The following CSMD3 variants were observed in gnomAD, a reference collection of about 807,000 sequenced individuals.
The protein encoded by CSMD3 is CUB and sushi domain-containing protein 3.
A neutral mutation model predicts 435.2 loss-of-function variants in CSMD3; 177 were observed. The ratio of observed to expected loss-of-function variants is 0.41; its 90% CI spans 0.36 to 0.46. The LOEUF is 0.46. Ranked by LOEUF, CSMD3 falls within the 20% of genes least tolerant of loss-of-function variation. The probability of loss-of-function intolerance (pLI) is 0.34; values close to 1 mark genes in which losing one functional copy is unlikely to be tolerated. For missense variants in CSMD3, 4,265 were observed against 4,504.6 expected, an observed-to-expected ratio of 0.95 and a Z score of 1.52; for synonymous variants, 1,656 against 1,520.5, an observed-to-expected ratio of 1.09 and a Z score of -2.07.
At chr8:112,640,754 G>A (rs912493895) in intron 20 of CSMD3, among the ~76,000 whole-genome samples, 25 of 152,032 alleles carry the variant, frequency 1.6e-4, no homozygotes, top group African/African-American at 4.8e-4. Flanking sequence ...AAGAGAAGAT[G>A]CTTTGCTGTC....
chr8:112,597,736 C>A (rs1167696404), intron 22 of CSMD3, among the ~76,000 whole-genome samples: 1 of 135,170 alleles, frequency 7.4e-6, no homozygotes, highest in Non-Finnish European at 1.6e-5. Flanking sequence ...TAAGTGTAAT[C>A]CAGCATATAA....
At chr8:112,654,038 A>G (rs1028217963) in intron 18 of CSMD3, among the ~76,000 whole-genome samples, 1 of 151,868 alleles carries the variant, frequency 6.6e-6, no homozygotes, top group Non-Finnish European at 1.5e-5. Flanking sequence ...GAATGGGGTA[A>G]AAAATATAAC....
At chr8:112,937,880 T>C (rs2083333925) in intron 9 of CSMD3, among the ~76,000 whole-genome samples, 1 of 152,014 alleles carries the variant, frequency 6.6e-6, no homozygotes, top group Admixed American at 6.6e-5. Flanking sequence ...AGATTGATGA[T>C]TAAAAAAAGA....
intron 3 of CSMD3, among the ~76,000 whole-genome samples, chr8:113,179,219 T>C (rs909707082): frequency 1.3e-5 from 2 of 148,348 alleles, no homozygotes; most frequent in Admixed American, 1.3e-4. Flanking sequence ...TAAAACAGTA[T>C]ATGTTAGTCA....
At chr8:113,112,424 T>TGTATATACATATATATACATATATATAC (rs1564328837) in intron 4 of CSMD3, among the ~76,000 whole-genome samples, 9 of 20,380 alleles carry the variant, frequency 4.4e-4, no homozygotes, top group Non-Finnish European at 7.6e-4. Context: ...TATATATATA[T>TGTATATACATATATATACATATATATAC]ATATATATAT....
intron 4 of CSMD3, among the ~76,000 whole-genome samples, chr8:113,160,482 A>G (rs2092018260): frequency 6.6e-6 from 1 of 151,954 alleles, no homozygotes; most frequent in Admixed American, 6.6e-5. Context: ...TAAATGTTTA[A>G]TTTTATATTT....
intron 35 of CSMD3, among the ~76,000 whole-genome samples, chr8:112,401,943 A>G (rs1831380795): frequency 1.3e-5 from 2 of 152,176 alleles, no homozygotes; most frequent in South Asian, 2.1e-4. Flanking sequence ...ATTAAAATCA[A>G]TAGTATCAAA....
intron 46 of CSMD3, 62 bp downstream of exon 46, chr8:112,319,839 A>C: frequency 8.2e-7 from 1 of 1,222,582 alleles, no homozygotes; most frequent in Admixed American, 1.7e-5. Flanking sequence ...ATTTTGGCTT[A>C]TTTTTAAGCA....
intron 5 of CSMD3, among the ~76,000 whole-genome samples, chr8:113,057,234 A>AT (rs1187331705): frequency 6.6e-6 from 1 of 152,058 alleles, no homozygotes; most frequent in Non-Finnish European, 1.5e-5. Context: ...TTACTTATTT[A>AT]TTTTTCAATA....
At chr8:113,227,348 A>G (rs1253157980) in intron 3 of CSMD3, among the ~76,000 whole-genome samples, 1 of 151,632 alleles carries the variant, frequency 6.6e-6, no homozygotes, top group African/African-American at 2.4e-5. Flanking sequence ...CCAGAGTAGA[A>G]TGGATTAAAA....
chr8:112,744,929 T>C (rs935499041), intron 13 of CSMD3, among the ~76,000 whole-genome samples: 17 of 152,142 alleles, frequency 1.1e-4, no homozygotes, highest in African/African-American at 4.1e-4. Context: ...TGTAAACCTA[T>C]TTAAGGTTCT....
chr8:113,265,537 T>C (rs565702051), intron 3 of CSMD3, among the ~76,000 whole-genome samples: 7 of 151,810 alleles, frequency 4.6e-5, no homozygotes, highest in Non-Finnish European at 8.9e-5. Context: ...ATAGTATTGC[T>C]AATCTGTTGA....
intron 41 of CSMD3, among the ~76,000 whole-genome samples, chr8:112,342,501 C>T (rs998669239): frequency 6.6e-6 from 1 of 152,170 alleles, no homozygotes; most frequent in African/African-American, 2.4e-5. Flanking sequence ...ATTTGCTACA[C>T]ATTATATATA....
chr8:112,531,980 G>A (rs1276826534), intron 27 of CSMD3, among the ~76,000 whole-genome samples: 1 of 151,708 alleles, frequency 6.6e-6, no homozygotes, highest in East Asian at 1.9e-4. Flanking sequence ...AAGAAACTCA[G>A]ATAATCAGTT....
intron 10 of CSMD3, among the ~76,000 whole-genome samples, chr8:112,906,389 T>C (rs1348379922): frequency 6.6e-6 from 1 of 151,424 alleles, no homozygotes; most frequent in Non-Finnish European, 1.5e-5. Flanking sequence ...TAACTTTTCA[T>C]GTTTTCATGA....
At chr8:112,957,116 T>G (rs1283360291) in intron 7 of CSMD3, among the ~76,000 whole-genome samples, 1 of 152,102 alleles carries the variant, frequency 6.6e-6, no homozygotes, top group Non-Finnish European at 1.5e-5. Context: ...TACAAGACTA[T>G]TCTAAATCAT....
chr8:113,233,778 T>C (rs2093117323), intron 3 of CSMD3, among the ~76,000 whole-genome samples: 1 of 152,020 alleles, frequency 6.6e-6, no homozygotes, highest in Non-Finnish European at 1.5e-5. Flanking sequence ...CAATGTATAT[T>C]ATAAGGCAAT....
chr8:113,066,536 T>A (rs1377888041), intron 5 of CSMD3, among the ~76,000 whole-genome samples: 1 of 152,172 alleles, frequency 6.6e-6, no homozygotes, highest in African/African-American at 2.4e-5. Flanking sequence ...TGGCTTTTAA[T>A]TTCTGCCTTT....
chr8:112,449,452 G>A (rs1175276717), intron 32 of CSMD3, among the ~76,000 whole-genome samples: 3 of 151,998 alleles, frequency 2.0e-5, no homozygotes, highest in Non-Finnish European at 4.4e-5. Flanking sequence ...GCATTGACAG[G>A]AGCCTGATGA....
Sources: allele counts gnomAD v4.1 joint callset (sites outside exome capture counted in the v4.1 genomes callset), GRCh38; gene constraint gnomAD v4.1.1; transcripts MANE v1.5; gene names NCBI Gene and HGNC (gene_info 2026-07-23, HGNC 2026-07-21).